Variants in ABCA6 observed in about 807,000 individuals in gnomAD.
ABCA6 encodes the protein ATP binding cassette subfamily A member 6, also known as ATP-binding cassette sub-family A member 6.
Under a neutral mutation model 191.2 loss-of-function variants are expected in ABCA6, and 164 were observed. The observed-to-expected ratio is 0.86, with a 90% CI of 0.76 to 0.98. ABCA6 has a LOEUF of 0.98. Among genes scored for constraint, ABCA6 ranks in the 50% least tolerant of loss-of-function variants. The probability of loss-of-function intolerance (pLI) is 0.00; values close to 1 mark genes in which losing one functional copy is unlikely to be tolerated. For missense variants in ABCA6, 1,958 were observed against 1,894.1 expected, an observed-to-expected ratio of 1.03 and a Z score of -0.63; for synonymous variants, 636 against 647.7, an observed-to-expected ratio of 0.98 and a Z score of 0.27.
At chr17:69,082,328 AACAC>A (rs61523425) in intron 36 of ABCA6, among the ~76,000 whole-genome samples, 84,226 of 144,676 alleles carry the variant, frequency 0.58, 24,237 homozygotes, top group Non-Finnish European at 0.63. Context: ...GACATACACA[AACAC>A]ACACACACAC....
intron 8 of ABCA6, 148 bp downstream of exon 8, chr17:69,128,471 T>C (rs567525398): frequency 9.3e-5 from 46 of 495,072 alleles, no homozygotes; most frequent in African/African-American, 7.8e-4. Context: ...CTTTTTTTTT[T>C]ACAATGTAAT....
intron 22 of ABCA6, chr17:69,098,695 T>C (rs1339714402): frequency 6.8e-6 from 1 of 146,010 alleles, no homozygotes; most frequent in Non-Finnish European, 1.5e-5. Context: ...CTGGAAAATA[T>C]GCTAAGTGAA....
At chr17:69,118,935 C>G (rs964644302) in intron 10 of ABCA6, among the ~76,000 whole-genome samples, 1 of 149,458 alleles carries the variant, frequency 6.7e-6, no homozygotes, top group African/African-American at 2.5e-5. Flanking sequence ...CTGTCTCTCT[C>G]ACACACACAC....
At chr17:69,140,871 T>G in intron 1 of ABCA6, 123 bp from the exon 2 acceptor site, 1 of 401,688 alleles carries the variant, frequency 2.5e-6, no homozygotes, top group South Asian at 8.4e-5. Flanking sequence ...ACTGTAAAAT[T>G]TCACCTCAAA....
intron 10 of ABCA6, among the ~76,000 whole-genome samples, chr17:69,120,935 T>C (rs951228754): frequency 2.4e-4 from 37 of 151,948 alleles, no homozygotes; most frequent in African/African-American, 8.2e-4. Context: ...ATGATTCTGG[T>C]TAGAATTCTA....
rs369593716 is a variant in ABCA6 at position 69,095,977 on chromosome 17, T to A, written c.3408+263A>T. Among the ~76,000 whole-genome samples, 12 of 152,360 alleles carry A rather than the reference T, an allele frequency of 7.9e-5. No individual in the cohort carries two copies. In the East Asian group the frequency reaches 1.7e-3, roughly 22 times the overall value. ...CTAGTGTTGGCAGGAAGCCCTGTAT[T>A]CTGGAGACATAAACTCAACAGGACG... On this transcript the variant is annotated intron_variant, in intron 25 of 38. Transcript: ENST00000284425.
intron 2 of ABCA6, among the ~76,000 whole-genome samples, chr17:69,139,832 T>TA (rs1342803721): frequency 6.6e-6 from 1 of 151,020 alleles, no homozygotes; most frequent in Non-Finnish European, 1.5e-5. Context: ...TCATTCTCAG[T>TA]AAACTATTGC....
intron 10 of ABCA6, among the ~76,000 whole-genome samples, chr17:69,121,006 A>G (rs1278818477): frequency 6.6e-6 from 1 of 152,026 alleles, no homozygotes; most frequent in Non-Finnish European, 1.5e-5. Context: ...TGTAAGCTCT[A>G]TGTATCTTAG....
Position 69,133,742 on chromosome 17 carries a change from A to G in ABCA6, c.690T>C (p.His230=), listed in dbSNP as rs1378249181. ...NEMFILFFLL[H]FSPLVYFISL... is the part of the protein sequence containing the mutation. ...ATATAAAATATACAAGTGGGGAGAA[A>G]TGAAGCAAGAAGAATAAAATAAACA... The change falls in exon 6 of 39, where the codon CAT becomes CAC. Residue 230 remains histidine (H), a synonymous_variant. Coordinates refer to ENST00000284425, the MANE Select transcript of ABCA6 (RefSeq NM_080284.3). 2 of 1,611,844 alleles carry G rather than the reference A, an allele frequency of 1.2e-6. No homozygotes were observed. Among genetic ancestry groups the G allele is most frequent in the Non-Finnish European group, 1.7e-6 (2 of 1,178,318 alleles).
chr17:69,118,344 C>T (rs887370967), intron 10 of ABCA6, among the ~76,000 whole-genome samples: 2 of 152,074 alleles, frequency 1.3e-5, no homozygotes, highest in African/African-American at 4.8e-5. Context: ...ATGAGTCAGA[C>T]ACTCTGTCAC....
intron 23 of ABCA6, 143 bp from the exon 24 acceptor site, chr17:69,096,944 G>A (rs1202200002): frequency 1.6e-5 from 10 of 634,866 alleles, no homozygotes; most frequent in Non-Finnish European, 2.5e-5. Context: ...TGCATATACT[G>A]CTTAGTAACA....
In ABCA6 at chr17:69,110,918, T is replaced by A. The variant is rs1321157448; in HGVS notation, c.2155A>T (p.Asn719Tyr). ...HLSLHRNEICNPEQITSFITH... is the reference protein window; with the variant it reads ...HLSLHRNEICYPEQITSFITH... The stretch of plus-strand genomic sequence containing the variant: ...ATGAAGGATGTTATTTGTTCTGGGT[T>A]ACATATTTCATTCCTATGTAAACTA... The change falls in exon 17 of 39, where the codon AAC becomes TAC. Residue 719 changes from asparagine to tyrosine, a missense_variant. Transcript: ENST00000284425. The A allele has an allele frequency of 1.2e-6, 2 of 1,605,276 alleles. No individual in the cohort carries two copies. The highest frequency in any genetic ancestry group is 2.2e-5 in the South Asian group (2 of 89,246).
At position 69,089,409 on chromosome 17, in the gene ABCA6, A is replaced by G. The variant is rs373838324; in HGVS notation, c.3606+56T>C. 1.7e-5 allele frequency: 25 copies of G among 1,500,948 alleles called. No homozygotes were observed. The African/African-American group carries it at 2.8e-4, about 17-fold the overall frequency. 93.0% of individuals were successfully genotyped at this position (1,500,948 alleles called of 1,614,324 possible). A position where few individuals can be genotyped will look rare whatever the true frequency, so the allele number is the denominator to read the frequency against. Reference sequence around the variant, plus strand: ...ACACTTTGGACAAGATCAAATTGTTATAGTGAATGACAGTCATCCAAAAGA... The same window carrying G: ...ACACTTTGGACAAGATCAAATTGTTGTAGTGAATGACAGTCATCCAAAAGA... On this transcript the variant is annotated intron_variant, in intron 27 of 38. Coordinates refer to ENST00000284425, the MANE Select transcript of ABCA6 (RefSeq NM_080284.3).
chr17:69,133,793 T>C lies in ABCA6; in HGVS notation c.639A>G (p.Ile213Met), dbSNP rs1415920932. 5.6e-6 allele frequency: 9 copies of C among 1,613,302 alleles called. No homozygotes were observed. The highest frequency in any genetic ancestry group is 7.6e-6 in the Non-Finnish European group (9 of 1,179,544). ...TAITMKTLPFITKNLLHNEMF... is the reference protein window; with the variant it reads ...TAITMKTLPFMTKNLLHNEMF... Reference sequence around the variant, plus strand: ...TCTCATTGTGAAGAAGATTTTTAGTTATGAAAGGTAATGTCTTCATAGTTA... The same window carrying C: ...TCTCATTGTGAAGAAGATTTTTAGTCATGAAAGGTAATGTCTTCATAGTTA... The change falls in exon 6 of 39, where the codon ATA (isoleucine) becomes ATG (methionine). Residue 213 changes from isoleucine to methionine, a missense_variant. Transcript: ENST00000284425.
intron 9 of ABCA6, among the ~76,000 whole-genome samples, chr17:69,124,289 G>C (rs958625345): frequency 6.6e-6 from 1 of 151,730 alleles, no homozygotes; most frequent in Non-Finnish European, 1.5e-5. Context: ...ATAGTGGAAG[G>C]AACATATAAA....
At chr17:69,116,167 G>A (rs145286945) in intron 11 of ABCA6, among the ~76,000 whole-genome samples, 2 of 152,106 alleles carry the variant, frequency 1.3e-5, no homozygotes, top group African/African-American at 4.8e-5. Context: ...CAAAGTATAC[G>A]GTGTTTTCCA....
Position 69,087,468 on chromosome 17 carries a change from G to A in ABCA6, c.3704C>T (p.Ser1235Phe), listed in dbSNP as rs1322663643. The change falls in exon 29 of 39, where the codon TCC becomes TTC. Residue 1235 changes from serine to phenylalanine, a missense_variant. Physicochemically the swap from Ser to Phe is radical, Grantham distance 155. Coordinates refer to ENST00000284425, the MANE Select transcript of ABCA6 (RefSeq NM_080284.3). ...TGGCTTAGCATCTCTACTTTGGGGG[G>A]AAATTCTATGGAGAAAATGAAATGT... The part of the protein sequence containing the change: ...RMRKDPVFRI[S>F]PQSRDAKPNP... The A allele has an allele frequency of 6.2e-6, 10 of 1,613,402 alleles. No homozygotes were observed. Among genetic ancestry groups the A allele is most frequent in the African/African-American group, 2.7e-5 (2 of 74,842 alleles).
intron 4 of ABCA6, chr17:69,135,841 G>C: frequency 2.1e-6 from 1 of 471,956 alleles, no homozygotes; most frequent in Non-Finnish European, 3.7e-6. Context: ...GGGCCTGTCA[G>C]TCTTGGTTAC....
rs1435213108 is a variant in ABCA6 at position 69,113,212 on chromosome 17, C to A, written c.2041+10G>T. 6.3e-7 allele frequency: 1 copy of A among 1,599,036 alleles called. No homozygotes were observed. Among genetic ancestry groups the A allele is most frequent in the Admixed American group, 1.8e-5 (1 of 55,996 alleles). On this transcript the variant is annotated intron_variant, in intron 15 of 38. Transcript: ENST00000284425. The stretch of plus-strand genomic sequence containing the variant: ...CATCATGGTAACACTGAGATAAAAC[C>A]AACAATTACCAGCCAGGATGTCAGC...
Sources: gnomAD v4.1 joint callset for allele counts (sites outside exome capture counted in the v4.1 genomes callset) on GRCh38, gnomAD v4.1.1 for gene constraint, MANE v1.5 for transcripts, NCBI Gene and HGNC (gene_info 2026-07-23, HGNC 2026-07-21) for gene names.